The following PTPN3 variants were observed in gnomAD, a reference collection of about 807,000 sequenced individuals.
PTPN3 encodes the protein protein tyrosine phosphatase non-receptor type 3.
PTPN3 carries 96 observed loss-of-function variants against 132.7 expected under a neutral mutation model. That is an observed-to-expected ratio of 0.72 (90% CI 0.61 to 0.86). The LOEUF is 0.86. Among genes scored for constraint, PTPN3 ranks in the 40% least tolerant of loss-of-function variants. The pLI, the probability that PTPN3 is intolerant of heterozygous loss-of-function variation, is 0.00. For synonymous variants in PTPN3, 398 were observed against 429.0 expected (o/e 0.93, Z 0.89); for missense variants, 1,125 against 1,159.6 (o/e 0.97, Z 0.43).
At chr9:109,388,061 C>T (rs1839749890) in intron 22 of PTPN3, among the ~76,000 whole-genome samples, 1 of 152,150 alleles carries the variant, frequency 6.6e-6, no homozygotes. Flanking sequence ...CTCCAGCCAG[C>T]TGCACACCTG....
In PTPN3 at chr9:109,438,209, G is replaced by A. The variant is rs762392415; in HGVS notation, c.492C>T (p.Ser164=). The part of the protein sequence containing the change: ...VQSHFGDYNS[S]IHHPGYLSDS... Reference sequence around the variant, plus strand: ...CGGAAAGATAGCCTGGATGATGTATGGAAGAATTATAGTCTCCAAAATGAG... The same window carrying A: ...CGGAAAGATAGCCTGGATGATGTATAGAAGAATTATAGTCTCCAAAATGAG... The change falls in exon 8 of 26, where the codon TCC becomes TCT. Residue 164 remains serine (S), a synonymous_variant. Transcript: ENST00000374541. The A allele has an allele frequency of 1.9e-6, 3 of 1,612,928 alleles. No individual in the cohort carries two copies. Among genetic ancestry groups the A allele is most frequent in the Admixed American group, 1.7e-5 (1 of 59,932 alleles).
At position 109,422,564 on chromosome 9, in the gene PTPN3, G is replaced by A. The variant is rs1376788660; in HGVS notation, c.1136+154C>T. Among the ~76,000 whole-genome samples, 8 of 152,240 alleles carry A rather than the reference G, an allele frequency of 5.3e-5. No homozygotes were observed. In the East Asian group the frequency reaches 1.5e-3, roughly 29 times the overall value. On this transcript the variant is annotated intron_variant, in intron 13 of 25. Transcript: ENST00000374541. The stretch of plus-strand genomic sequence containing the variant: ...CGATGGAAAACATTTAGCTAGACTT[G>A]TGTACTTCATGAAAACAGTTACTTC...
chr9:109,424,342 T>C (rs1481638009), intron 12 of PTPN3, among the ~76,000 whole-genome samples: 1 of 152,192 alleles, frequency 6.6e-6, no homozygotes, highest in East Asian at 1.9e-4. Context: ...AATTCACCAG[T>C]ATGCTGAAGC....
At chr9:109,473,342 G>C (rs1846473231) in intron 1 of PTPN3, among the ~76,000 whole-genome samples, 2 of 152,188 alleles carry the variant, frequency 1.3e-5, no homozygotes, top group South Asian at 4.1e-4. Context: ...ACTGAGATCT[G>C]TAATTACTGG....
At chr9:109,408,722 C>T (rs1283580541) in intron 16 of PTPN3, among the ~76,000 whole-genome samples, 3 of 148,158 alleles carry the variant, frequency 2.0e-5, no homozygotes, top group East Asian at 4.0e-4. Flanking sequence ...AGCATGTCTT[C>T]GAGTGCTGCT....
intron 12 of PTPN3, 40 bp from the exon 13 acceptor site, chr9:109,422,892 T>G: frequency 6.3e-7 from 1 of 1,597,878 alleles, no homozygotes; most frequent in Non-Finnish European, 8.6e-7. Context: ...ACACTGACGT[T>G]CAACAGGAAA....
chr9:109,380,429 T>C (rs1838967322), intron 25 of PTPN3, among the ~76,000 whole-genome samples: 1 of 152,204 alleles, frequency 6.6e-6, no homozygotes, highest in African/African-American at 2.4e-5. Context: ...CTAATTTTTG[T>C]ATTTTCATTA....
At chr9:109,533,030 A>C in the PTPN3 span, 12 of 326,562 alleles carry the variant, frequency 3.7e-5, no homozygotes, top group Admixed American at 3.6e-4. Flanking sequence ...ATCTCGGCTC[A>C]CTGCAACCTC....
chr9:109,438,647 C>T (rs753883762), intron 7 of PTPN3, among the ~76,000 whole-genome samples: 16 of 152,188 alleles, frequency 1.1e-4, no homozygotes, highest in Admixed American at 1.3e-4. Context: ...GCTTTCTCTG[C>T]CATACCCCAA....
At chr9:109,516,532 G>A in the PTPN3 span, among the ~76,000 whole-genome samples, 1 of 152,188 alleles carries the variant, frequency 6.6e-6, no homozygotes, top group Non-Finnish European at 1.5e-5. Flanking sequence ...AAGGGTGTGT[G>A]TAGGGGGATG....
intron 1 of PTPN3, among the ~76,000 whole-genome samples, chr9:109,468,156 C>T (rs1316004244): frequency 2.6e-5 from 4 of 152,166 alleles, no homozygotes; most frequent in Non-Finnish European, 5.9e-5. Flanking sequence ...CTATGGCTTC[C>T]TTTATAAGCC....
intron 14 of PTPN3, chr9:109,417,451 CTCT>C (rs552387348): frequency 7.6e-4 from 331 of 436,960 alleles, no homozygotes; most frequent in Non-Finnish European, 9.4e-4. Flanking sequence ...TTCTTTTTGC[CTCT>C]TAACACAAAT....
chr9:109,438,731 ACT>A (rs1452000871), intron 7 of PTPN3, among the ~76,000 whole-genome samples: 7 of 152,128 alleles, frequency 4.6e-5, no homozygotes, highest in Admixed American at 2.6e-4. Flanking sequence ...CGACCTGACC[ACT>A]CTCCACATCC....
At position 109,473,261 on chromosome 9, in the gene PTPN3, G is replaced by A. The variant is rs150040109; in HGVS notation, c.-17-9810C>T. 1.7e-3 allele frequency among the ~76,000 whole-genome samples: 259 copies of A among 152,218 alleles called. 1 individual carries two copies. Among genetic ancestry groups the A allele is most frequent in the South Asian group, 5.8e-3 (28 of 4,812 alleles). ...GTTCTACAGACCCTGTAATTTGTTC[G>A]GGGAGTGGCTCTCTGACTGAAGCCC... On this transcript the variant is annotated intron_variant, in intron 1 of 25. Transcript: ENST00000374541.
the PTPN3 span, among the ~76,000 whole-genome samples, chr9:109,525,546 G>C: frequency 6.6e-6 from 1 of 152,120 alleles, no homozygotes; most frequent in African/African-American, 2.4e-5. Context: ...CCCAGGGAGT[G>C]GTATTTTAAA....
chr9:109,412,206 C>T (rs984991564), intron 14 of PTPN3, among the ~76,000 whole-genome samples: 3 of 151,918 alleles, frequency 2.0e-5, no homozygotes, highest in African/African-American at 7.3e-5. Context: ...TGCACCCCCC[C>T]AATCCATTTT....
At chr9:109,408,478 C>T in intron 16 of PTPN3, 101 bp from the exon 17 acceptor site, 2 of 799,354 alleles carry the variant, frequency 2.5e-6, no homozygotes, top group African/African-American at 1.7e-5. Context: ...CATGGAGGTA[C>T]CAATAAATGT....
chr9:109,403,485 GC>G (rs1287902245), intron 19 of PTPN3, among the ~76,000 whole-genome samples: 24 of 152,004 alleles, frequency 1.6e-4, no homozygotes, highest in Non-Finnish European at 1.5e-5. Context: ...CCTATTTTAT[GC>G]TTTTTGGTGT....
At chr9:109,403,455 G>T (rs1841312715) in intron 19 of PTPN3, among the ~76,000 whole-genome samples, 2 of 152,102 alleles carry the variant, frequency 1.3e-5, no homozygotes, top group African/African-American at 4.8e-5. Context: ...TTCTAATGAT[G>T]ATCTATTTTC....
Sources: gnomAD v4.1 joint callset for allele counts (sites outside exome capture counted in the v4.1 genomes callset) on GRCh38, gnomAD v4.1.1 for gene constraint, MANE v1.5 for transcripts, NCBI Gene and HGNC (gene_info 2026-07-23, HGNC 2026-07-21) for gene names.